The following PACRG variants were observed in gnomAD, a reference collection of about 807,000 sequenced individuals.
PACRG encodes parkin coregulated, also known as parkin coregulated gene protein.
A neutral mutation model predicts 29.7 loss-of-function variants in PACRG; 29 were observed. That is an observed-to-expected ratio of 0.98 (90% CI 0.73 to 1.33). The LOEUF (loss-of-function observed/expected upper bound fraction) is 1.33. Ranked by LOEUF, PACRG falls within the 40% of genes most tolerant of loss-of-function variation. The pLI is 0.00. For synonymous variants in PACRG, 116 were observed against 118.7 expected, an observed-to-expected ratio of 0.98 and a Z score of 0.15; for missense variants, 279 against 316.2, an observed-to-expected ratio of 0.88 and a Z score of 0.89.
intron 2 of PACRG, among the ~76,000 whole-genome samples, chr6:162,914,511 T>C (rs1796558081): frequency 3.9e-5 from 1 of 25,760 alleles, no homozygotes; most frequent in Non-Finnish European, 7.5e-5. Flanking sequence ...CTTTTTTGTT[T>C]TTTTTTTTTT....
chr6:163,180,583 C>T (rs111817945), intron 4 of PACRG, among the ~76,000 whole-genome samples: 81 of 152,036 alleles, frequency 5.3e-4, no homozygotes, highest in East Asian at 2.3e-3. Context: ...GCTATGATTA[C>T]GCCACTGTAC....
intron 4 of PACRG, chr6:163,112,084 G>A (rs1245416608): frequency 2.4e-5 from 23 of 945,670 alleles, no homozygotes; most frequent in Non-Finnish European, 2.9e-5. Context: ...AGGCATTGAG[G>A]GAAAGGATTC....
At chr6:162,820,412 C>T (rs1358530947) in intron 2 of PACRG, among the ~76,000 whole-genome samples, 1 of 152,136 alleles carries the variant, frequency 6.6e-6, no homozygotes, top group Non-Finnish European at 1.5e-5. Context: ...GTAGGAAAAA[C>T]AGTTATTGCA....
chr6:163,310,601 G>T (rs773495245), intron 4 of PACRG: 8 of 152,214 alleles, frequency 5.3e-5, no homozygotes, highest in South Asian at 2.1e-4. Flanking sequence ...GGAAGACCTC[G>T]CTCTGGCCAC....
chr6:163,209,121 A>G (rs1781031105), intron 4 of PACRG, among the ~76,000 whole-genome samples: 1 of 152,210 alleles, frequency 6.6e-6, no homozygotes, highest in African/African-American at 2.4e-5. Context: ...CACCTTTCCC[A>G]GTTGACTAGA....
In PACRG at chr6:163,079,492, G is replaced by A. The variant is rs1401610108; in HGVS notation, c.464-9767G>A. 2.0e-5 allele frequency among the ~76,000 whole-genome samples: 3 copies of A among 151,870 alleles called. No individual in the cohort carries two copies. In the East Asian group the frequency reaches 5.8e-4, roughly 29 times the overall value. Reference sequence around the variant, plus strand: ...CTATAAGGAAAACCATAGAGGCCTTGCCAGATGCTTTGCTGATACAGTTTA... The same window carrying A: ...CTATAAGGAAAACCATAGAGGCCTTACCAGATGCTTTGCTGATACAGTTTA... On this transcript the variant is annotated intron_variant, in intron 3 of 4. Transcript: ENST00000366888.
intron 4 of PACRG, among the ~76,000 whole-genome samples, chr6:163,299,732 A>G (rs927509309): frequency 1.3e-5 from 2 of 152,134 alleles, no homozygotes; most frequent in African/African-American, 4.8e-5. Context: ...TACAAAAATT[A>G]GCTGGGCATG....
rs529007283 is a variant in PACRG, at chr6:162,937,622, T to A, written c.291+123341T>A. ...ACGTAGACCTCCCTCCCCAAACCAGTTTCCATTGTAAGTATGGTCGTATTT... is the reference window on the plus strand; with the variant it reads ...ACGTAGACCTCCCTCCCCAAACCAGATTCCATTGTAAGTATGGTCGTATTT... On this transcript the variant is annotated intron_variant, in intron 2 of 4. Coordinates refer to ENST00000366888, the MANE Select transcript of PACRG (RefSeq NM_001080379.2). Among the ~76,000 whole-genome samples the A allele has an allele frequency of 2.6e-4, 40 of 152,300 alleles. 1 individual carries two copies. In the South Asian group the frequency reaches 8.1e-3, roughly 31 times the overall value.
chr6:162,837,362 T>C (rs1441253817), intron 2 of PACRG, among the ~76,000 whole-genome samples: 1 of 152,062 alleles, frequency 6.6e-6, no homozygotes, highest in African/African-American at 2.4e-5. Context: ...CTAGCAGCTG[T>C]TTCAACAGTC....
At chr6:163,198,417 G>C (rs556709738) in intron 4 of PACRG, among the ~76,000 whole-genome samples, 21 of 152,182 alleles carry the variant, frequency 1.4e-4, no homozygotes, top group Non-Finnish European at 2.6e-4. Context: ...TTATGCATCA[G>C]GCACTTGCTC....
intron 4 of PACRG, among the ~76,000 whole-genome samples, chr6:163,217,667 G>A (rs1303796967): frequency 2.0e-5 from 3 of 152,222 alleles, no homozygotes; most frequent in East Asian, 1.9e-4. Context: ...CTCATTGCTC[G>A]CTTTACTGCC....
intron 4 of PACRG, among the ~76,000 whole-genome samples, chr6:163,260,416 C>A (rs1051790917): frequency 6.6e-6 from 1 of 152,222 alleles, no homozygotes; most frequent in African/African-American, 2.4e-5. Context: ...ATTCAAAGTT[C>A]GGGCTTTAAA....
chr6:163,311,517 C>CA (rs1785413761), intron 4 of PACRG, among the ~76,000 whole-genome samples: 1 of 152,160 alleles, frequency 6.6e-6, no homozygotes, highest in African/African-American at 2.4e-5. Context: ...TTCAGGCCCT[C>CA]AAAAAACTGT....
chr6:163,136,020 CT>C (rs1490997826), intron 4 of PACRG, among the ~76,000 whole-genome samples: 1 of 152,096 alleles, frequency 6.6e-6, no homozygotes, highest in Non-Finnish European at 1.5e-5. Context: ...ATGAATACTA[CT>C]GTTTGGTCAT....
chr6:163,230,849 G>T (rs1444004052), intron 4 of PACRG, among the ~76,000 whole-genome samples: 1 of 84,562 alleles, frequency 1.2e-5, no homozygotes, highest in Non-Finnish European at 2.6e-5. Flanking sequence ...GGAGGAGAGA[G>T]GCCTTCAATT....
intron 2 of PACRG, among the ~76,000 whole-genome samples, chr6:162,852,465 C>T (rs957811516): frequency 6.6e-6 from 1 of 152,188 alleles, no homozygotes; most frequent in Non-Finnish European, 1.5e-5. Context: ...TCCTGCGGGA[C>T]TGTGGAATTT....
intron 1 of PACRG, among the ~76,000 whole-genome samples, chr6:162,756,886 A>G (rs372407774): frequency 6.6e-6 from 1 of 152,136 alleles, no homozygotes; most frequent in African/African-American, 2.4e-5. Context: ...TAAGCTGAGA[A>G]CAACTTTCCT....
chr6:163,213,694 A>T (rs1283028471), intron 4 of PACRG, among the ~76,000 whole-genome samples: 1 of 152,004 alleles, frequency 6.6e-6, no homozygotes, highest in African/African-American at 2.4e-5. Flanking sequence ...ATTGATTGGT[A>T]TTAGTTATTT....
intron 2 of PACRG, among the ~76,000 whole-genome samples, chr6:163,012,420 A>G (rs1805696765): frequency 6.6e-6 from 1 of 152,262 alleles, no homozygotes; most frequent in Admixed American, 6.5e-5. Context: ...GCAAATAACA[A>G]GGAACACAAA....
Sources: allele counts gnomAD v4.1 joint callset (sites outside exome capture counted in the v4.1 genomes callset), GRCh38; gene constraint gnomAD v4.1.1; transcripts MANE v1.5; gene names NCBI Gene and HGNC (gene_info 2026-07-23, HGNC 2026-07-21).